Variants in DSCAM observed in about 807,000 individuals in gnomAD.
DSCAM encodes DS cell adhesion molecule, also known as cell adhesion molecule DSCAM.
In DSCAM, 47 loss-of-function variants were observed where a neutral mutation model predicts 217.7. The ratio of observed to expected loss-of-function variants is 0.22; its 90% confidence interval spans 0.17 to 0.28. DSCAM has a LOEUF of 0.28. DSCAM is among the 10% of genes least tolerant of loss of function. The pLI is 1.00. For synonymous variants in DSCAM, 1,056 were observed against 1,015.3 expected (o/e 1.04, Z -0.76); for missense variants, 2,080 against 2,618.3 (o/e 0.79, Z 4.49).
chr21:40,263,054 C>T (rs963613012), intron 11 of DSCAM, among the ~76,000 whole-genome samples: 1 of 152,088 alleles, frequency 6.6e-6, no homozygotes, highest in Admixed American at 6.5e-5. Flanking sequence ...AGCCAAGATA[C>T]CTTTTTAAAA....
chr21:40,515,463 T>C (rs898094544), intron 3 of DSCAM, among the ~76,000 whole-genome samples: 2 of 152,158 alleles, frequency 1.3e-5, no homozygotes, highest in African/African-American at 4.8e-5. Context: ...ATGATGTCTC[T>C]TTCTCCCCAA....
intron 3 of DSCAM, among the ~76,000 whole-genome samples, chr21:40,407,924 A>T (rs2075292281): frequency 6.6e-6 from 1 of 152,204 alleles, no homozygotes; most frequent in Non-Finnish European, 1.5e-5. Flanking sequence ...CTGGGTGTGA[A>T]CCAGATCCAG....
chr21:40,042,078 G>A (rs2088761376), intron 32 of DSCAM, among the ~76,000 whole-genome samples: 1 of 152,172 alleles, frequency 6.6e-6, no homozygotes, highest in Non-Finnish European at 1.5e-5. Context: ...GGCCAGCACA[G>A]GGAGAACACA....
chr21:40,070,080 G>A (rs543480637), intron 27 of DSCAM, among the ~76,000 whole-genome samples: 191 of 152,116 alleles, frequency 1.3e-3, no homozygotes, highest in Admixed American at 2.0e-3. Context: ...TTTGCTTCCC[G>A]CTGTCAGATG....
chr21:40,013,737 G>C (rs1211653750), intron 32 of DSCAM, among the ~76,000 whole-genome samples: 1 of 152,182 alleles, frequency 6.6e-6, no homozygotes, highest in Non-Finnish European at 1.5e-5. Context: ...AACGGTGATA[G>C]ACCAAACCCC....
rs111885593 is a variant in DSCAM at position 40,146,186 on chromosome 21, G to C, written c.3019-1455C>G. On this transcript the variant is annotated intron_variant, in intron 16 of 32. Transcript: ENST00000400454. ...GGAAATGCATGGTAAGAAAGTGAAG[G>C]CCAGCAGGCATCTAGAAAGTGTGAG... Among the ~76,000 whole-genome samples, 1,242 of 150,460 alleles carry C rather than the reference G, an allele frequency of 8.3e-3. 18 individuals carry two copies. The highest frequency in any genetic ancestry group is 0.028 in the African/African-American group (1,141 of 41,290).
rs575621251 is a variant in DSCAM, at chr21:40,234,606, C to T, written c.2356+41491G>A. 5.9e-4 allele frequency among the ~76,000 whole-genome samples: 90 copies of T among 152,260 alleles called. 1 individual carries two copies. In the South Asian group the frequency reaches 0.018, roughly 30 times the overall value. On this transcript the variant is annotated intron_variant, in intron 11 of 32. Coordinates refer to ENST00000400454, the MANE Select transcript of DSCAM (RefSeq NM_001389.5). ...TGTAGCCTCAGCATTCTGTTTCCTGCTTCTCCTCTCTGTCTTTGCCTATTC... is the reference window on the plus strand; with the variant it reads ...TGTAGCCTCAGCATTCTGTTTCCTGTTTCTCCTCTCTGTCTTTGCCTATTC...
chr21:40,815,531 C>G (rs1322567073), intron 1 of DSCAM, among the ~76,000 whole-genome samples: 1 of 152,156 alleles, frequency 6.6e-6, no homozygotes, highest in African/African-American at 2.4e-5. Flanking sequence ...GTAATGAGCA[C>G]CACTGTCTTC....
At chr21:40,277,262 G>A (rs929377401) in intron 10 of DSCAM, among the ~76,000 whole-genome samples, 6 of 152,078 alleles carry the variant, frequency 3.9e-5, no homozygotes, top group Non-Finnish European at 7.4e-5. Context: ...TAGCTTCCTG[G>A]CCCAAGAACC....
chr21:40,672,088 T>C (rs1378641737), intron 3 of DSCAM, among the ~76,000 whole-genome samples: 1 of 152,170 alleles, frequency 6.6e-6, no homozygotes, highest in Non-Finnish European at 1.5e-5. Context: ...CTGGTGTCTC[T>C]CCCACTTCTT....
chr21:40,621,912 GA>G (rs1402865647), intron 3 of DSCAM, among the ~76,000 whole-genome samples: 3 of 48,072 alleles, frequency 6.2e-5, no homozygotes, highest in African/African-American at 1.6e-4. Flanking sequence ...GGGAGGGAGG[GA>G]GGGGGGAGGG....
chr21:40,755,339 A>G (rs2091264928), intron 1 of DSCAM, among the ~76,000 whole-genome samples: 1 of 152,188 alleles, frequency 6.6e-6, no homozygotes, highest in Non-Finnish European at 1.5e-5. Flanking sequence ...CCAGCTACTT[A>G]GAAGGCTGAG....
At chr21:40,105,905 A>G (rs977603409) in intron 20 of DSCAM, among the ~76,000 whole-genome samples, 1 of 152,232 alleles carries the variant, frequency 6.6e-6, no homozygotes, top group Non-Finnish European at 1.5e-5. Flanking sequence ...GATGAATCAC[A>G]TTTATTGATT....
intron 3 of DSCAM, among the ~76,000 whole-genome samples, chr21:40,670,732 T>C (rs1480612443): frequency 6.6e-6 from 1 of 152,204 alleles, no homozygotes; most frequent in Non-Finnish European, 1.5e-5. Flanking sequence ...TACTCATTCA[T>C]TGGGTGATGG....
intron 11 of DSCAM, among the ~76,000 whole-genome samples, chr21:40,203,752 A>G (rs1462775823): frequency 6.6e-6 from 1 of 152,220 alleles, no homozygotes; most frequent in East Asian, 1.9e-4. Flanking sequence ...ATTTGTGTTC[A>G]TGACTTGGTT....
At chr21:40,708,040 T>G (rs868280631) in intron 2 of DSCAM, among the ~76,000 whole-genome samples, 1 of 152,196 alleles carries the variant, frequency 6.6e-6, no homozygotes, top group Admixed American at 6.5e-5. Context: ...CTTGATGCTA[T>G]GGTTTTATTC....
At chr21:40,676,295 G>C (rs1208899037) in intron 3 of DSCAM, among the ~76,000 whole-genome samples, 6 of 152,152 alleles carry the variant, frequency 3.9e-5, no homozygotes, top group Non-Finnish European at 4.4e-5. Context: ...ACATGTTCAG[G>C]ACCATCAACT....
intron 10 of DSCAM, among the ~76,000 whole-genome samples, chr21:40,289,536 C>T (rs554673632): frequency 3.1e-4 from 47 of 152,288 alleles, no homozygotes; most frequent in African/African-American, 9.9e-4. Flanking sequence ...CAATTACAGT[C>T]TTAAAATAGG....
intron 3 of DSCAM, among the ~76,000 whole-genome samples, chr21:40,559,742 T>C (rs909514711): frequency 1.3e-5 from 2 of 151,818 alleles, no homozygotes; most frequent in African/African-American, 2.4e-5. Flanking sequence ...GAACTTTTTT[T>C]CCCTCTCTGT....
Sources: gnomAD v4.1 joint callset for allele counts (sites outside exome capture counted in the v4.1 genomes callset) on GRCh38, gnomAD v4.1.1 for gene constraint, MANE v1.5 for transcripts, NCBI Gene and HGNC (gene_info 2026-07-23, HGNC 2026-07-21) for gene names.